RABL3: variants seen among roughly 807,000 people sequenced by gnomAD.
RABL3 encodes the protein RAB, member of RAS oncogene family like 3.
Under a neutral mutation model 31.8 loss-of-function variants are expected in RABL3, and 31 were observed. The observed-to-expected ratio is 0.97, with a 90% CI of 0.73 to 1.31. RABL3 has a LOEUF of 1.31. Ranked by LOEUF, RABL3 falls within the 40% of genes most tolerant of loss-of-function variation. The probability of loss-of-function intolerance (pLI) is 0.00; values close to 1 mark genes in which losing one functional copy is unlikely to be tolerated. For synonymous variants in RABL3, 97 were observed against 99.9 expected (o/e 0.97, Z 0.18); for missense variants, 263 against 279.6 (o/e 0.94, Z 0.42).
intron 4 of RABL3, among the ~76,000 whole-genome samples, chr3:120,704,765 G>T (rs1273310383): frequency 2.6e-5 from 4 of 152,062 alleles, no homozygotes; most frequent in East Asian, 3.8e-4. Context: ...ACCATTTATG[G>T]CCAGGTATGG....
In RABL3 at chr3:120,725,035, G is replaced by T. The variant is rs61795617; in HGVS notation, c.138+5661C>A. ...GGCAACCTACAGAATGGGAGAAAAT[G>T]TTTGCAATCTACTCATCTGACAAAG... On this transcript the variant is annotated intron_variant, in intron 2 of 7. Coordinates refer to ENST00000273375, the MANE Select transcript of RABL3 (RefSeq NM_173825.5). 5.0e-3 allele frequency among the ~76,000 whole-genome samples: 762 copies of T among 151,754 alleles called. 10 individuals are homozygous for T. The highest frequency in any genetic ancestry group is 0.018 in the African/African-American group (730 of 41,240).
At chr3:120,716,100 A>G (rs1050459260) in intron 2 of RABL3, among the ~76,000 whole-genome samples, 8 of 152,230 alleles carry the variant, frequency 5.3e-5, no homozygotes, top group African/African-American at 1.7e-4. Flanking sequence ...GAGGAATTCA[A>G]TAAATATCAA....
At chr3:120,725,770 G>A (rs1708811497) in intron 2 of RABL3, among the ~76,000 whole-genome samples, 1 of 152,114 alleles carries the variant, frequency 6.6e-6, no homozygotes, top group South Asian at 2.1e-4. Flanking sequence ...ACACAGGAAG[G>A]CGAACATCAC....
chr3:120,709,480 C>T (rs1001873433), intron 3 of RABL3, among the ~76,000 whole-genome samples: 7 of 151,994 alleles, frequency 4.6e-5, no homozygotes, highest in African/African-American at 1.4e-4. Flanking sequence ...CAGAGCAACC[C>T]CAGAGGACAA....
At chr3:120,718,364 T>C (rs1237230765) in intron 2 of RABL3, among the ~76,000 whole-genome samples, 3 of 152,206 alleles carry the variant, frequency 2.0e-5, no homozygotes, top group Non-Finnish European at 4.4e-5. Flanking sequence ...AAAATCTGCC[T>C]TCTTTAGATG....
upstream of RABL3, chr3:120,742,604 C>A: frequency 8.4e-7 from 1 of 1,185,008 alleles, no homozygotes; most frequent in South Asian, 1.2e-5. Flanking sequence ...ATTGGCCACT[C>A]GGAGCGTGAC....
At chr3:120,705,023 T>TCAAAA (rs369118640) in intron 4 of RABL3, among the ~76,000 whole-genome samples, 11 of 152,056 alleles carry the variant, frequency 7.2e-5, no homozygotes, top group East Asian at 3.9e-4. Context: ...AGGCTCAGTC[T>TCAAAA]CAAAACAAAA....
intron 1 of RABL3, among the ~76,000 whole-genome samples, chr3:120,740,860 T>C (rs1709032973): frequency 6.6e-6 from 1 of 152,216 alleles, no homozygotes; most frequent in African/African-American, 2.4e-5. Flanking sequence ...AACTAAACCA[T>C]AACAGGGGAG....
At chr3:120,721,743 A>G (rs9857158) in intron 2 of RABL3, among the ~76,000 whole-genome samples, 72,898 of 151,958 alleles carry the variant, frequency 0.48, 18,872 homozygotes, top group Non-Finnish European at 0.59. Context: ...ACTTTAACAC[A>G]CCACTGTCAA....
rs887036724 is a variant in RABL3 at position 120,719,415 on chromosome 3, G to C, written c.139-9506C>G. 4.9e-4 allele frequency among the ~76,000 whole-genome samples: 74 copies of C among 151,998 alleles called. 3 individuals carry two copies. On this transcript the variant is annotated intron_variant, in intron 2 of 7. Transcript: ENST00000273375. ...GCAAGGCGAGGCATCGCCTCACCTG[G>C]GAAGCGCAAGGGGTCAGGGAATTCC...
At position 120,724,750 on chromosome 3, in the gene RABL3, T is replaced by G. The variant is rs561722100; in HGVS notation, c.138+5946A>C. On this transcript the variant is annotated intron_variant, in intron 2 of 7. Coordinates refer to ENST00000273375, the MANE Select transcript of RABL3 (RefSeq NM_173825.5). ...GCTGGGAAAACTGGCTAGCCATATT[T>G]AGAAAGCTGAAACTGGATCCCTTCC... Among the ~76,000 whole-genome samples the G allele has an allele frequency of 5.0e-3, 760 of 152,196 alleles. 7 individuals are homozygous for G. Among genetic ancestry groups the G allele is most frequent in the African/African-American group, 0.016 (662 of 41,470 alleles).
rs773099321 is a variant in RABL3, at chr3:120,698,446, A to C, written c.511T>G (p.Phe171Val). 11 of 1,613,726 alleles carry C rather than the reference A, an allele frequency of 6.8e-6. No individual in the cohort carries two copies. Among genetic ancestry groups the C allele is most frequent in the South Asian group, 1.1e-5 (1 of 90,944 alleles). Residue 171 changes from phenylalanine to valine, a missense_variant, in exon 5 of 8, where the codon TTC becomes GTC. By Grantham distance (50) the Phe-to-Val change is conservative. Transcript: ENST00000273375. ...LTRTAFLAED[F>V]NPEEINLDCT... ...ACCAAATTAATTTCTTCTGGATTGA[A>C]ATCCTCAGCCAGGAAAGCAGTCCTA...
At chr3:120,733,079 G>C (rs1038377852) in intron 1 of RABL3, among the ~76,000 whole-genome samples, 12 of 152,190 alleles carry the variant, frequency 7.9e-5, no homozygotes, top group African/African-American at 2.9e-4. Context: ...TATATACCCA[G>C]TAACGGGATG....
In RABL3 at chr3:120,688,625, C is replaced by T. The variant is rs1708342312; in HGVS notation, c.*1198G>A. 1 of 152,014 alleles carries T rather than the reference C, an allele frequency of 6.6e-6. No individual in the cohort carries two copies. The highest frequency in any genetic ancestry group is 1.5e-5 in the Non-Finnish European group (1 of 67,996). The allele number at this position is 152,014 out of a possible 1,614,324, so 9.4% of individuals were successfully genotyped here. A position where few individuals can be genotyped will look rare whatever the true frequency, so the allele number is the denominator to read the frequency against. On this transcript the variant is annotated 3_prime_UTR_variant, in exon 8 of 8. Coordinates refer to ENST00000273375, the MANE Select transcript of RABL3 (RefSeq NM_173825.5). ...ATTATTGTTATTTAAAAGTATGGAG[C>T]AAAATCAGGAGTGCAGAGACCTGCA...
chr3:120,712,015 G>GAAATT (rs1708618162), intron 2 of RABL3, among the ~76,000 whole-genome samples: 2 of 152,084 alleles, frequency 1.3e-5, no homozygotes, highest in East Asian at 1.9e-4. Flanking sequence ...AGTATCTACT[G>GAAATT]GCTTTGACAT....
intron 2 of RABL3, among the ~76,000 whole-genome samples, chr3:120,714,513 A>C (rs1708645990): frequency 6.6e-6 from 1 of 152,056 alleles, no homozygotes; most frequent in Non-Finnish European, 1.5e-5. Flanking sequence ...TTTTTTTCTA[A>C]TTAAAAAAAA....
chr3:120,698,751 T>C lies in RABL3; in HGVS notation c.384-178A>G, dbSNP rs909044447. Among the ~76,000 whole-genome samples, 5 of 152,226 alleles carry C rather than the reference T, an allele frequency of 3.3e-5. No individual in the cohort carries two copies. The East Asian group carries it at 9.6e-4, about 29-fold the overall frequency. On this transcript the variant is annotated intron_variant, in intron 4 of 7. Coordinates refer to ENST00000273375, the MANE Select transcript of RABL3 (RefSeq NM_173825.5). ...ATCTACTTGTTCTTTTATCAATCCA[T>C]CCTCATCATCAGATTCCAGCTATTC...
chr3:120,725,338 CACTGTTGGTGGAACTGTAA>C lies in RABL3; in HGVS notation c.138+5339_138+5357del, dbSNP rs557221622. Among the ~76,000 whole-genome samples the C allele has an allele frequency of 3.8e-3, 580 of 152,324 alleles. 1 individual carries two copies. Among genetic ancestry groups the C allele is most frequent in the African/African-American group, 0.013 (545 of 41,564 alleles). ...ATGTGGAGAAATAGGAACACTTCTA[CACTGTTGGTGGAACTGTAA>C]ACTAGTTCAACCATTGTGGAAGTCA... On this transcript the variant is annotated intron_variant, in intron 2 of 7. Coordinates refer to ENST00000273375, the MANE Select transcript of RABL3 (RefSeq NM_173825.5).
At chr3:120,697,201 C>T (rs1338337440) in intron 5 of RABL3, among the ~76,000 whole-genome samples, 1 of 152,152 alleles carries the variant, frequency 6.6e-6, no homozygotes, top group Non-Finnish European at 1.5e-5. Flanking sequence ...GCCAAATTCT[C>T]AAGGTGAGTT....
Sources: allele counts gnomAD v4.1 joint callset (sites outside exome capture counted in the v4.1 genomes callset), GRCh38; gene constraint gnomAD v4.1.1; transcripts MANE v1.5; gene names NCBI Gene and HGNC (gene_info 2026-07-23, HGNC 2026-07-21).